Variants in SNTB1 observed in about 807,000 individuals in gnomAD.
The protein encoded by SNTB1 is syntrophin beta 1, also known as beta-1-syntrophin.
In SNTB1, 36 loss-of-function variants were observed where a neutral mutation model predicts 48.9. The observed-to-expected ratio is 0.74, with a 90% CI of 0.56 to 0.97. SNTB1 has a LOEUF of 0.97. Among genes scored for constraint, SNTB1 ranks in the 50% least tolerant of loss-of-function variants. The pLI is 0.00. For missense variants in SNTB1, 786 were observed against 703.4 expected (o/e 1.12, Z -1.33); for synonymous variants, 299 against 294.6 (o/e 1.01, Z -0.15).
rs1820447318 is a variant in SNTB1 at position 120,811,936 on chromosome 8, A to G, written c.-93T>C. On this transcript the variant is annotated 5_prime_UTR_variant, in exon 1 of 7. Coordinates refer to ENST00000517992, the MANE Select transcript of SNTB1 (RefSeq NM_021021.4). Reference sequence around the variant, plus strand: ...GGAGGACGCGGGGCCCGGGGGAGCGAGGAGAGTGCGTCCCGCGGGGAGGTG... The same window carrying G: ...GGAGGACGCGGGGCCCGGGGGAGCGGGGAGAGTGCGTCCCGCGGGGAGGTG... 6 of 1,278,194 alleles carry G rather than the reference A, an allele frequency of 4.7e-6. No homozygotes were observed. The highest frequency in any genetic ancestry group is 4.9e-6 in the Non-Finnish European group (5 of 1,016,994). 79.2% of individuals were successfully genotyped at this position (1,278,194 alleles called of 1,614,324 possible). A position where few individuals can be genotyped will look rare whatever the true frequency, so the allele number is the denominator to read the frequency against.
At chr8:120,762,929 G>A (rs1161840226) in intron 1 of SNTB1, among the ~76,000 whole-genome samples, 2 of 152,160 alleles carry the variant, frequency 1.3e-5, no homozygotes, top group Non-Finnish European at 2.9e-5. Context: ...AGACTTTTAA[G>A]AGTGCCTGTC....
At position 120,538,801 on chromosome 8, in the gene SNTB1, T is replaced by C; in HGVS notation, c.*76A>G. 1 of 1,199,004 alleles carries C rather than the reference T, an allele frequency of 8.3e-7. No individual in the cohort carries two copies. The highest frequency in any genetic ancestry group is 1.2e-6 in the Non-Finnish European group (1 of 802,316). 74.3% of individuals were successfully genotyped at this position (1,199,004 alleles called of 1,614,324 possible). On this transcript the variant is annotated 3_prime_UTR_variant, in exon 7 of 7. Coordinates refer to ENST00000517992, the MANE Select transcript of SNTB1 (RefSeq NM_021021.4). Reference sequence around the variant, plus strand: ...ACGCTACATCTGGTGCGCTGCTCACTACAGATGGTGTCTGACATCACGTTC... The same window carrying C: ...ACGCTACATCTGGTGCGCTGCTCACCACAGATGGTGTCTGACATCACGTTC...
chr8:120,806,637 T>G (rs188278337), intron 1 of SNTB1, among the ~76,000 whole-genome samples: 32 of 152,262 alleles, frequency 2.1e-4, no homozygotes, highest in South Asian at 4.1e-4. Context: ...GGTCTGAGTT[T>G]ATAGGATTTA....
intron 3 of SNTB1, among the ~76,000 whole-genome samples, chr8:120,576,523 G>T (rs1323694133): frequency 6.6e-6 from 1 of 152,184 alleles, no homozygotes; most frequent in African/African-American, 2.4e-5. Context: ...AGTTCTGTAG[G>T]TCCTACATGT....
At chr8:120,556,589 A>G (rs1012906002) in intron 4 of SNTB1, among the ~76,000 whole-genome samples, 13 of 152,182 alleles carry the variant, frequency 8.5e-5, no homozygotes, top group African/African-American at 3.1e-4. Context: ...ACTACCTTAT[A>G]GTGACTGAAC....
intron 3 of SNTB1, among the ~76,000 whole-genome samples, chr8:120,619,527 A>G (rs915196745): frequency 6.6e-6 from 1 of 152,166 alleles, no homozygotes; most frequent in African/African-American, 2.4e-5. Flanking sequence ...AAGACTATTC[A>G]GCCTGATTTT....
At chr8:120,695,764 C>G (rs1363325555) in intron 1 of SNTB1, among the ~76,000 whole-genome samples, 2 of 152,000 alleles carry the variant, frequency 1.3e-5, no homozygotes, top group South Asian at 2.1e-4. Context: ...CATATTAATA[C>G]AAGACAGAGG....
At chr8:120,746,622 A>G (rs187825891) in intron 1 of SNTB1, among the ~76,000 whole-genome samples, 1 of 152,154 alleles carries the variant, frequency 6.6e-6, no homozygotes, top group Non-Finnish European at 1.5e-5. Flanking sequence ...TAAATAAACC[A>G]AGTGGTCATT....
intron 1 of SNTB1, among the ~76,000 whole-genome samples, chr8:120,799,323 A>G (rs139931030): frequency 3.6e-3 from 553 of 152,176 alleles, no homozygotes; most frequent in Non-Finnish European, 5.6e-3. Flanking sequence ...AGATATGCAT[A>G]GCACACTCAA....
chr8:120,547,605 A>AG lies in SNTB1; in HGVS notation c.1333+1156_1333+1157insC, dbSNP rs1205171779. Among the ~76,000 whole-genome samples the AG allele has an allele frequency of 2.6e-5, 4 of 152,170 alleles. No individual in the cohort carries two copies. In the East Asian group the frequency reaches 7.7e-4, roughly 29 times the overall value. On this transcript the variant is annotated intron_variant, in intron 5 of 6. Transcript: ENST00000517992. ...AAAACACTGTCTCAAAAAAAAAAAA[A>AG]AAAAAAAACAACTTTGTTTTTCAAA...
At chr8:120,715,735 C>T (rs1818544552) in intron 1 of SNTB1, among the ~76,000 whole-genome samples, 1 of 152,184 alleles carries the variant, frequency 6.6e-6, no homozygotes, top group Non-Finnish European at 1.5e-5. Flanking sequence ...AGGTGGTATT[C>T]TTCTCCTTTC....
chr8:120,662,524 C>T (rs1817605396), intron 2 of SNTB1, among the ~76,000 whole-genome samples: 1 of 152,162 alleles, frequency 6.6e-6, no homozygotes, highest in African/African-American at 2.4e-5. Context: ...AAACTTTCTA[C>T]TTCTTGGCAT....
At chr8:120,803,383 G>A (rs533082812) in intron 1 of SNTB1, among the ~76,000 whole-genome samples, 13 of 152,338 alleles carry the variant, frequency 8.5e-5, no homozygotes, top group East Asian at 3.9e-4. Flanking sequence ...GCAGGCCAGA[G>A]CTAAAGGCAA....
chr8:120,713,865 G>A (rs1818509390), intron 1 of SNTB1, among the ~76,000 whole-genome samples: 1 of 152,088 alleles, frequency 6.6e-6, no homozygotes, highest in Non-Finnish European at 1.5e-5. Context: ...AATAATAATT[G>A]GATGTAGGCA....
At chr8:120,797,107 T>C (rs1214901665) in intron 1 of SNTB1, among the ~76,000 whole-genome samples, 7 of 152,066 alleles carry the variant, frequency 4.6e-5, no homozygotes, top group Non-Finnish European at 1.0e-4. Flanking sequence ...TTTAATTCAG[T>C]GTTTGGAATA....
chr8:120,631,857 C>A (rs1333214266), intron 3 of SNTB1, among the ~76,000 whole-genome samples: 2 of 152,174 alleles, frequency 1.3e-5, no homozygotes, highest in East Asian at 3.8e-4. Flanking sequence ...CTCCCTTCCC[C>A]ACTCCTGCCT....
chr8:120,704,094 T>C (rs1018576444), intron 1 of SNTB1, among the ~76,000 whole-genome samples: 2 of 152,184 alleles, frequency 1.3e-5, no homozygotes, highest in Non-Finnish European at 2.9e-5. Flanking sequence ...TCTAAACATA[T>C]GCAAATGTTC....
chr8:120,565,648 G>A (rs1052919292), intron 4 of SNTB1, among the ~76,000 whole-genome samples: 1 of 152,186 alleles, frequency 6.6e-6, no homozygotes, highest in Non-Finnish European at 1.5e-5. Context: ...TGTGAGGGCC[G>A]GGACCCAGGA....
chr8:120,596,315 A>T (rs1317328009), intron 3 of SNTB1, among the ~76,000 whole-genome samples: 2 of 152,262 alleles, frequency 1.3e-5, no homozygotes, highest in Non-Finnish European at 2.9e-5. Context: ...GAATATCAAC[A>T]TTTATTAATT....
Sources: allele counts gnomAD v4.1 joint callset (sites outside exome capture counted in the v4.1 genomes callset), GRCh38; gene constraint gnomAD v4.1.1; transcripts MANE v1.5; gene names NCBI Gene and HGNC (gene_info 2026-07-23, HGNC 2026-07-21).